The following LYNX1 variants were observed in gnomAD, a reference collection of about 807,000 sequenced individuals.
LYNX1 encodes the protein ly-6/neurotoxin-like protein 1.
LYNX1 carries 8 observed loss-of-function variants against 8.3 expected under a neutral mutation model. That is an observed-to-expected ratio of 0.97 (90% CI 0.57 to 1.74). The LOEUF (loss-of-function observed/expected upper bound fraction) is 1.74. Among genes scored for constraint, LYNX1 ranks in the 40% most tolerant of loss-of-function variants. The probability of loss-of-function intolerance (pLI) is 0.00; values close to 1 mark genes in which losing one functional copy is unlikely to be tolerated. For missense variants in LYNX1, 158 were observed against 159.7 expected, an observed-to-expected ratio of 0.99 and a Z score of 0.06; for synonymous variants, 73 against 67.9, an observed-to-expected ratio of 1.08 and a Z score of -0.37.
Position 142,776,052 on chromosome 8 carries a change from G to A in LYNX1, c.-95C>T. 7 of 1,464,014 alleles carry A rather than the reference G, an allele frequency of 4.8e-6. No homozygotes were observed. The highest frequency in any genetic ancestry group is 5.7e-6 in the Non-Finnish European group (6 of 1,059,960). 90.7% of individuals were successfully genotyped at this position (1,464,014 alleles called of 1,614,324 possible). On this transcript the variant is annotated 5_prime_UTR_variant, in exon 2 of 4. Transcript: ENST00000652477. ...GTGGCGCACAGAGGATCCAACTCAG[G>A]GTGGTGCGCAGAGGACGTGGGGCCG...
At position 142,774,209 on chromosome 8, in the gene LYNX1, C is replaced by T; in HGVS notation, c.*958G>A. ...GGCCACGAGAGGGTGGCATGCTCCG[C>T]CTTCCCACGCCCAGGCCCGCGCCGG... On this transcript the variant is annotated 3_prime_UTR_variant, in exon 4 of 4. Transcript: ENST00000652477. 2 of 984,644 alleles carry T rather than the reference C, an allele frequency of 2.0e-6. No individual in the cohort carries two copies. The highest frequency in any genetic ancestry group is 2.4e-6 in the Non-Finnish European group (2 of 829,640). The allele number at this position is 984,644 out of a possible 1,614,324, so 61.0% of individuals were successfully genotyped here.
At position 142,771,413 on chromosome 8, in the gene LYNX1, T is replaced by A. The variant is rs1815171671; in HGVS notation, c.*3754A>T. On this transcript the variant is annotated 3_prime_UTR_variant, in exon 4 of 4. Transcript: ENST00000652477. ...CCAGCATTCCCATTTCACCACCCCT[T>A]ACTCCTCAAGATGCAAATGAAGCTC... The A allele has an allele frequency of 1.0e-6, 1 of 985,320 alleles. No homozygotes were observed. The highest frequency in any genetic ancestry group is 1.2e-6 in the Non-Finnish European group (1 of 829,960). The allele number at this position is 985,320 out of a possible 1,614,324, so 61.0% of individuals were successfully genotyped here. A position where few individuals can be genotyped will look rare whatever the true frequency, so the allele number is the denominator to read the frequency against.
chr8:142,771,322 A>G lies in LYNX1; in HGVS notation c.*3845T>C. 1.0e-6 allele frequency: 1 copy of G among 985,592 alleles called. No individual in the cohort carries two copies. Among genetic ancestry groups the G allele is most frequent in the Non-Finnish European group, 1.2e-6 (1 of 830,020 alleles). The allele number at this position is 985,592 out of a possible 1,614,324, so 61.1% of individuals were successfully genotyped here. A position where few individuals can be genotyped will look rare whatever the true frequency, so the allele number is the denominator to read the frequency against. On this transcript the variant is annotated 3_prime_UTR_variant, in exon 4 of 4. Transcript: ENST00000652477. ...CTGGGAAGCACCTGGACCCCAGAAC[A>G]TAAGACAGGAGGGAGAGATGCCATC...
In LYNX1 at chr8:142,772,289, G is replaced by A. The variant is rs1815215999; in HGVS notation, c.*2878C>T. On this transcript the variant is annotated 3_prime_UTR_variant, in exon 4 of 4. Transcript: ENST00000652477. ...AGAGAGATCCCCGAAGTGGGAACTG[G>A]GCCCCCATGGTGCCCAGTGCCTCTC... 5 of 985,836 alleles carry A rather than the reference G, an allele frequency of 5.1e-6. No individual in the cohort carries two copies. The highest frequency in any genetic ancestry group is 6.0e-6 in the Non-Finnish European group (5 of 830,004). The allele number at this position is 985,836 out of a possible 1,614,324, so 61.1% of individuals were successfully genotyped here.
Position 142,775,776 on chromosome 8 carries a change from C to T in LYNX1, c.53-82G>A, listed in dbSNP as rs1445320699. 8 of 1,534,566 alleles carry T rather than the reference C, an allele frequency of 5.2e-6. 1 individual carries two copies. The highest frequency in any genetic ancestry group is 2.4e-5 in the East Asian group (1 of 42,226). On this transcript the variant is annotated intron_variant, in intron 2 of 3. Transcript: ENST00000652477. ...TCCTCCAGCCCATCAGGCCCCCAGC[C>T]CGTCACCTTCCCCGGGGCAGGGGGC...
rs990917089 is a variant in LYNX1, at chr8:142,774,124, CG to C, written c.*1042del. On this transcript the variant is annotated 3_prime_UTR_variant, in exon 4 of 4. Coordinates refer to ENST00000652477, the MANE Select transcript of LYNX1 (RefSeq NM_177477.4). ...CCCACTCACTGTGCGCATCCCGCTG[CG>C]GGGGAGGGGCTGGGTCTCCGCCCTC... The C allele has an allele frequency of 1.6e-5, 16 of 985,136 alleles. No homozygotes were observed. The African/African-American group carries it at 2.6e-4, about 16-fold the overall frequency. The allele number at this position is 985,136 out of a possible 1,614,324, so 61.0% of individuals were successfully genotyped here.
In LYNX1 at chr8:142,775,975, C is replaced by A. The variant is rs1391522743; in HGVS notation, c.-18G>T. On this transcript the variant is annotated 5_prime_UTR_variant, in exon 2 of 4. Coordinates refer to ENST00000652477, the MANE Select transcript of LYNX1 (RefSeq NM_177477.4). ...GGCGTCATGGCTGCAGGCAGGAGGG[C>A]AGCGTGGGAGTGGGGAGGTCAACAG... is the stretch of plus-strand genomic sequence containing the variant. The A allele has an allele frequency of 6.2e-7, 1 of 1,613,592 alleles. No individual in the cohort carries two copies. The highest frequency in any genetic ancestry group is 8.5e-7 in the Non-Finnish European group (1 of 1,179,968).
intron 3 of LYNX1, 49 bp from the exon 4 acceptor site, chr8:142,775,412 A>G (rs765344128): frequency 6.3e-7 from 1 of 1,599,582 alleles, no homozygotes; most frequent in Non-Finnish European, 8.5e-7. Context: ...GGGGCAGGAG[A>G]CCCAGCTGGC....
At position 142,774,761 on chromosome 8, in the gene LYNX1, G is replaced by C; in HGVS notation, c.*406C>G. ...AGAGTCTCCCCACCACCCCACCTGC[G>C]GGCATTCCTTGTCTTCCCCCTGCCC... On this transcript the variant is annotated 3_prime_UTR_variant, in exon 4 of 4. Coordinates refer to ENST00000652477, the MANE Select transcript of LYNX1 (RefSeq NM_177477.4). 1 of 1,049,160 alleles carries C rather than the reference G, an allele frequency of 9.5e-7. No homozygotes were observed. The highest frequency in any genetic ancestry group is 1.1e-6 in the Non-Finnish European group (1 of 870,292). 65.0% of individuals were successfully genotyped at this position (1,049,160 alleles called of 1,614,324 possible).
chr8:142,775,451 C>T, intron 3 of LYNX1, 88 bp from the exon 4 acceptor site: 2 of 1,577,574 alleles, frequency 1.3e-6, no homozygotes, highest in Non-Finnish European at 1.7e-6. Flanking sequence ...GCCATCAGGG[C>T]AGGGCCCCTC....
In LYNX1 at chr8:142,772,958, G is replaced by A; in HGVS notation, c.*2209C>T. 1 of 985,828 alleles carries A rather than the reference G, an allele frequency of 1.0e-6. No homozygotes were observed. Among genetic ancestry groups the A allele is most frequent in the Non-Finnish European group, 1.2e-6 (1 of 830,228 alleles). 61.1% of individuals were successfully genotyped at this position (985,828 alleles called of 1,614,324 possible). On this transcript the variant is annotated 3_prime_UTR_variant, in exon 4 of 4. Coordinates refer to ENST00000652477, the MANE Select transcript of LYNX1 (RefSeq NM_177477.4). ...ACCCCTCAACACCACAGCACTTCCA[G>A]CTCCAGCAGGTCCTTGTTCTCAGCT...
Position 142,774,148 on chromosome 8 carries a change from C to CCG in LYNX1, c.*1018_*1019insCG. The CCG allele has an allele frequency of 4.1e-5, 40 of 971,734 alleles. No individual in the cohort carries two copies. Among genetic ancestry groups the CCG allele is most frequent in the Middle Eastern group, 5.3e-4 (1 of 1,882 alleles). 60.2% of individuals were successfully genotyped at this position (971,734 alleles called of 1,614,324 possible). On this transcript the variant is annotated 3_prime_UTR_variant, in exon 4 of 4. Coordinates refer to ENST00000652477, the MANE Select transcript of LYNX1 (RefSeq NM_177477.4). Reference sequence around the variant, plus strand: ...GCGGGGGAGGGGCTGGGTCTCCGCCCTCCCCACCCCACCCTCCCCACTCCC... The same window carrying CCG: ...GCGGGGGAGGGGCTGGGTCTCCGCCCCGTCCCCACCCCACCCTCCCCACTCCC...
At position 142,775,160 on chromosome 8, in the gene LYNX1, G is replaced by C; in HGVS notation, c.*7C>G. 1 of 1,608,654 alleles carries C rather than the reference G, an allele frequency of 6.2e-7. No individual in the cohort carries two copies. The highest frequency in any genetic ancestry group is 8.5e-7 in the Non-Finnish European group (1 of 1,177,994). Reference sequence around the variant, plus strand: ...CTTTGTTCTTGAGTGGGTCTGCCTCGGGGGCTTTAGAGGAGACCCCAGAGG... The same window carrying C: ...CTTTGTTCTTGAGTGGGTCTGCCTCCGGGGCTTTAGAGGAGACCCCAGAGG... On this transcript the variant is annotated 3_prime_UTR_variant, in exon 4 of 4. Transcript: ENST00000652477.
At position 142,776,069 on chromosome 8, in the gene LYNX1, G is replaced by T. The variant is rs1244732890; in HGVS notation, c.-112C>A. ...CAACTCAGGGTGGTGCGCAGAGGACGTGGGGCCGGCCCTGCCTCCCGGAGC... is the reference window on the plus strand; with the variant it reads ...CAACTCAGGGTGGTGCGCAGAGGACTTGGGGCCGGCCCTGCCTCCCGGAGC... On this transcript the variant is annotated 5_prime_UTR_variant, in exon 2 of 4. Transcript: ENST00000652477. 7.8e-7 allele frequency: 1 copy of T among 1,285,418 alleles called. No individual in the cohort carries two copies. The highest frequency in any genetic ancestry group is 2.5e-5 in the East Asian group (1 of 40,388). The allele number at this position is 1,285,418 out of a possible 1,614,324, so 79.6% of individuals were successfully genotyped here.
upstream of LYNX1, chr8:142,777,847 C>CGCCGCG (rs1815490320): frequency 2.5e-6 from 1 of 398,680 alleles, no homozygotes; most frequent in African/African-American, 2.1e-5. Context: ...CACTCGCCCG[C>CGCCGCG]GCCGCGTCGT....
chr8:142,774,488 T>C lies in LYNX1; in HGVS notation c.*679A>G. 1 of 985,660 alleles carries C rather than the reference T, an allele frequency of 1.0e-6. No homozygotes were observed. The highest frequency in any genetic ancestry group is 1.7e-5 in the African/African-American group (1 of 57,336). 61.1% of individuals were successfully genotyped at this position (985,660 alleles called of 1,614,324 possible). On this transcript the variant is annotated 3_prime_UTR_variant, in exon 4 of 4. Transcript: ENST00000652477. ...AGGGGGTGGGAAACGTCAAGGGGTT[T>C]GACTGAGAGGACACACACCCCTTGC...
Position 142,774,268 on chromosome 8 carries a change from G to T in LYNX1, c.*899C>A. ...TGCTCCCAACCCCCAGCCTGTGCGC[G>T]CATCCCCCAGTCCTGCGTCTTTTGC... On this transcript the variant is annotated 3_prime_UTR_variant, in exon 4 of 4. Transcript: ENST00000652477. 2 of 985,368 alleles carry T rather than the reference G, an allele frequency of 2.0e-6. No individual in the cohort carries two copies. The highest frequency in any genetic ancestry group is 2.3e-4 in the East Asian group (2 of 8,786). 61.0% of individuals were successfully genotyped at this position (985,368 alleles called of 1,614,324 possible).
chr8:142,772,906 A>C lies in LYNX1; in HGVS notation c.*2261T>G. 1 of 985,902 alleles carries C rather than the reference A, an allele frequency of 1.0e-6. No homozygotes were observed. The highest frequency in any genetic ancestry group is 1.2e-6 in the Non-Finnish European group (1 of 830,296). The allele number at this position is 985,902 out of a possible 1,614,324, so 61.1% of individuals were successfully genotyped here. Reference sequence around the variant, plus strand: ...GGAAAGGTGGACAGAAGGAGGCAGGAGGCAGGTGTGAGAAGCTGCCCACCC... The same window carrying C: ...GGAAAGGTGGACAGAAGGAGGCAGGCGGCAGGTGTGAGAAGCTGCCCACCC... On this transcript the variant is annotated 3_prime_UTR_variant, in exon 4 of 4. Coordinates refer to ENST00000652477, the MANE Select transcript of LYNX1 (RefSeq NM_177477.4).
Position 142,771,774 on chromosome 8 carries a change from T to C in LYNX1, c.*3393A>G, listed in dbSNP as rs1815188419. The C allele has an allele frequency of 1.0e-6, 1 of 985,790 alleles. No individual in the cohort carries two copies. Among genetic ancestry groups the C allele is most frequent in the Non-Finnish European group, 1.2e-6 (1 of 829,916 alleles). The allele number at this position is 985,790 out of a possible 1,614,324, so 61.1% of individuals were successfully genotyped here. A position where few individuals can be genotyped will look rare whatever the true frequency, so the allele number is the denominator to read the frequency against. On this transcript the variant is annotated 3_prime_UTR_variant, in exon 4 of 4. Transcript: ENST00000652477. The stretch of plus-strand genomic sequence containing the variant: ...GAGAGATGACGAATCAGATGCTACA[T>C]AGTGGGGGAGGCGGCAGCTGGCCTG...
Sources: gnomAD v4.1 joint callset for allele counts on GRCh38, gnomAD v4.1.1 for gene constraint, MANE v1.5 for transcripts, NCBI Gene and HGNC (gene_info 2026-07-23, HGNC 2026-07-21) for gene names.